The following METAP2 variants were observed in gnomAD, a reference collection of about 807,000 sequenced individuals.
METAP2 encodes the protein methionyl aminopeptidase 2.
In METAP2, 25 loss-of-function variants were observed where a neutral mutation model predicts 59.4. The observed-to-expected ratio is 0.42, with a 90% CI of 0.31 to 0.59. The LOEUF (loss-of-function observed/expected upper bound fraction) is 0.59. METAP2 is among the 20% of genes least tolerant of loss of function. The pLI is 0.16. For synonymous variants in METAP2, 214 were observed against 194.1 expected (o/e 1.10, Z -0.85); for missense variants, 366 against 581.2 (o/e 0.63, Z 3.81).
At chr12:95,490,272 GTT>G (rs530529363) in intron 4 of METAP2, among the ~76,000 whole-genome samples, 2 of 127,346 alleles carry the variant, frequency 1.6e-5, no homozygotes. Flanking sequence ...CGGCATAGTA[GTT>G]TTTTTTTTTT....
chr12:95,491,336 T>C (rs985416300), intron 4 of METAP2, among the ~76,000 whole-genome samples: 2 of 152,228 alleles, frequency 1.3e-5, no homozygotes, highest in Non-Finnish European at 2.9e-5. Flanking sequence ...TTTGATTCTT[T>C]CATTCCTTCT....
At chr12:95,486,957 G>A (rs925525135) in intron 4 of METAP2, among the ~76,000 whole-genome samples, 1 of 152,224 alleles carries the variant, frequency 6.6e-6, no homozygotes, top group Middle Eastern at 3.2e-3. Flanking sequence ...CATGGAAGCT[G>A]GGGCCAAACT....
chr12:95,510,195 C>G (rs1445518856), intron 8 of METAP2, among the ~76,000 whole-genome samples: 2 of 151,776 alleles, frequency 1.3e-5, no homozygotes, highest in African/African-American at 4.8e-5. Flanking sequence ...AGCATAAAAA[C>G]TCAGCTTCTC....
chr12:95,501,576 T>G (rs2076315994), intron 7 of METAP2, among the ~76,000 whole-genome samples: 1 of 151,920 alleles, frequency 6.6e-6, no homozygotes, highest in South Asian at 2.1e-4. Flanking sequence ...TTAGCTAGGC[T>G]TAGTGGCATG....
intron 4 of METAP2, among the ~76,000 whole-genome samples, chr12:95,487,531 T>G (rs2076206135): frequency 6.6e-6 from 1 of 152,048 alleles, no homozygotes; most frequent in South Asian, 2.1e-4. Flanking sequence ...TAATTTTACA[T>G]TAATAAATTC....
At chr12:95,478,079 G>A (rs2076133580) in intron 2 of METAP2, among the ~76,000 whole-genome samples, 1 of 151,978 alleles carries the variant, frequency 6.6e-6, no homozygotes, top group African/African-American at 2.4e-5. Flanking sequence ...ACAAGCCTGG[G>A]CAACATAGTG....
At chr12:95,506,493 G>T (rs1002968511) in intron 8 of METAP2, among the ~76,000 whole-genome samples, 2 of 151,698 alleles carry the variant, frequency 1.3e-5, no homozygotes, top group Non-Finnish European at 2.9e-5. Context: ...TAGAGACGGG[G>T]TTTCACTATA....
At chr12:95,483,377 G>A (rs2076173305) in intron 3 of METAP2, 97 bp downstream of exon 3, 4 of 891,978 alleles carry the variant, frequency 4.5e-6, no homozygotes, top group African/African-American at 3.4e-5. Context: ...TCCGGAGGCT[G>A]AGGCAGGAGA....
chr12:95,511,430 C>T (rs1352633758), intron 8 of METAP2, among the ~76,000 whole-genome samples: 3 of 100,366 alleles, frequency 3.0e-5, no homozygotes, highest in Non-Finnish European at 5.4e-5. Context: ...GAGTTGCTTT[C>T]GCCCAGGCTG....
chr12:95,499,028 AG>A (rs1033800047), intron 7 of METAP2, among the ~76,000 whole-genome samples: 13 of 150,446 alleles, frequency 8.6e-5, no homozygotes, highest in African/African-American at 3.2e-4. Context: ...AAAAAAAAAA[AG>A]AAATCATTTG....
At chr12:95,498,703 G>T (rs1267067031) in intron 7 of METAP2, among the ~76,000 whole-genome samples, 1 of 152,078 alleles carries the variant, frequency 6.6e-6, no homozygotes, top group Non-Finnish European at 1.5e-5. Flanking sequence ...CTTTTCAATG[G>T]TTTTGACACC....
At chr12:95,497,562 T>G (rs774148729) in intron 7 of METAP2, among the ~76,000 whole-genome samples, 20 of 152,306 alleles carry the variant, frequency 1.3e-4, no homozygotes, top group Admixed American at 4.6e-4. Context: ...CTCTTCAAGG[T>G]CTGTTTTCAA....
intron 8 of METAP2, among the ~76,000 whole-genome samples, chr12:95,505,833 G>A (rs139633893): frequency 0.012 from 1,852 of 150,564 alleles, 39 homozygotes; most frequent in African/African-American, 0.043. Context: ...GGTGGCTCAC[G>A]CCTGTAATCC....
In METAP2 at chr12:95,512,811, T is replaced by C. The variant is rs138357368; in HGVS notation, c.1079T>C (p.Val360Ala). The change falls in exon 10 of 11, where the codon GTA becomes GCA. Residue 360 changes from valine to alanine, a missense_variant. Transcript: ENST00000323666. Reference protein sequence around the residue: ...GEATRMEEGEVYAIETFGSTG... With the variant: ...GEATRMEEGEAYAIETFGSTG... The stretch of plus-strand genomic sequence containing the variant: ...TTATTTATTTTTCAGGAAGGAGAAG[T>C]ATATGCAATTGAAACCTTTGGTAGT... The C allele has an allele frequency of 6.3e-7, 1 of 1,592,020 alleles. No homozygotes were observed. The highest frequency in any genetic ancestry group is 1.3e-5 in the African/African-American group (1 of 74,418).
intron 1 of METAP2, 35 bp from the exon 2 acceptor site, chr12:95,476,036 A>C: frequency 7.7e-7 from 1 of 1,293,116 alleles, no homozygotes; most frequent in South Asian, 1.3e-5. Flanking sequence ...AAGTGTCTGT[A>C]TTAGATTTGA....
chr12:95,488,637 C>T (rs1245240327), intron 4 of METAP2, among the ~76,000 whole-genome samples: 1 of 151,034 alleles, frequency 6.6e-6, no homozygotes, highest in Non-Finnish European at 1.5e-5. Flanking sequence ...AGGTTGGGAG[C>T]ACTAATTATT....
chr12:95,474,353 C>T, intron 1 of METAP2, 23 bp downstream of exon 1: 1 of 1,611,296 alleles, frequency 6.2e-7, no homozygotes, highest in African/African-American at 1.3e-5. Flanking sequence ...TTATGTTTTC[C>T]CAGTCCCCTC....
chr12:95,513,772 G>C lies in METAP2; in HGVS notation c.1305G>C (p.Leu435=), dbSNP rs556083337. The C allele has an allele frequency of 5.0e-6, 8 of 1,614,206 alleles. No individual in the cohort carries two copies. In the Admixed American group the frequency reaches 1.0e-4, roughly 20 times the overall value. ...AATACTTGATGGCTCTGAAGAATCT[G>C]TGTGACTTGGGCATTGTAGATCCAT... is the stretch of plus-strand genomic sequence containing the variant. ...ESKYLMALKN[L]CDLGIVDPYP... is the part of the protein sequence containing the mutation. Residue 435 remains leucine (L), a synonymous_variant, in exon 11 of 11, where the codon CTG becomes CTC. Coordinates refer to ENST00000323666, the MANE Select transcript of METAP2 (RefSeq NM_006838.4).
chr12:95,489,848 C>A (rs1451233800), intron 4 of METAP2, among the ~76,000 whole-genome samples: 1 of 152,074 alleles, frequency 6.6e-6, no homozygotes, highest in Non-Finnish European at 1.5e-5. Context: ...CAGAAAAAAA[C>A]CCAAAAAACT....
Sources: allele counts gnomAD v4.1 joint callset (sites outside exome capture counted in the v4.1 genomes callset), GRCh38; gene constraint gnomAD v4.1.1; transcripts MANE v1.5; gene names NCBI Gene and HGNC (gene_info 2026-07-23, HGNC 2026-07-21).